RGS6: variants seen among roughly 807,000 people sequenced by gnomAD.
RGS6 encodes the protein regulator of G protein signaling 6, also known as regulator of G-protein signaling 6.
RGS6 carries 30 observed loss-of-function variants against 78.5 expected under a neutral mutation model. That is an observed-to-expected ratio of 0.38 (90% CI 0.29 to 0.52). RGS6 has a LOEUF of 0.52. Ranked by LOEUF, RGS6 falls within the 20% of genes least tolerant of loss-of-function variation. The pLI, the probability that RGS6 is intolerant of heterozygous loss-of-function variation, is 0.85. For missense variants in RGS6, 495 were observed against 609.7 expected, an observed-to-expected ratio of 0.81 and a Z score of 1.98; for synonymous variants, 206 against 206.0, an observed-to-expected ratio of 1.00 and a Z score of 0.00.
At chr14:72,385,619 G>T (rs1415809002) in intron 3 of RGS6, among the ~76,000 whole-genome samples, 1 of 152,142 alleles carries the variant, frequency 6.6e-6, no homozygotes, top group Non-Finnish European at 1.5e-5. Flanking sequence ...GTGAGGGTGA[G>T]ACTAAGGAAG....
In RGS6 at chr14:72,345,918, G is replaced by T. The variant is rs529963020; in HGVS notation, c.85-6177G>T. On this transcript the variant is annotated intron_variant, in intron 2 of 17. Transcript: ENST00000553525. ...GGGCAGAGCCTGCTCAATGAAGCAT[G>T]CACATTTTGGATTAAGAAATATGAT... Among the ~76,000 whole-genome samples the T allele has an allele frequency of 9.5e-4, 144 of 152,316 alleles. 1 individual carries two copies. The highest frequency in any genetic ancestry group is 3.2e-3 in the African/African-American group (135 of 41,574).
At chr14:72,050,901 A>G (rs2093194821) in intron 2 of RGS6, among the ~76,000 whole-genome samples, 1 of 152,156 alleles carries the variant, frequency 6.6e-6, no homozygotes, top group Admixed American at 6.5e-5. Flanking sequence ...CCAATCCCCC[A>G]AGTGAGTATA....
At chr14:72,160,415 G>A (rs764696525) in intron 2 of RGS6, among the ~76,000 whole-genome samples, 1 of 152,186 alleles carries the variant, frequency 6.6e-6, no homozygotes, top group African/African-American at 2.4e-5. Flanking sequence ...GTTTAATTGC[G>A]TGTGGCAAGA....
At chr14:72,406,674 T>C (rs911740379) in intron 3 of RGS6, among the ~76,000 whole-genome samples, 1 of 152,238 alleles carries the variant, frequency 6.6e-6, no homozygotes, top group Admixed American at 6.5e-5. Context: ...GTGTTTTCTT[T>C]GTGTTTGGCA....
intron 2 of RGS6, among the ~76,000 whole-genome samples, chr14:72,103,786 C>T (rs1030164919): frequency 2.0e-5 from 3 of 152,162 alleles, no homozygotes; most frequent in Non-Finnish European, 4.4e-5. Flanking sequence ...AATGACACAT[C>T]GTCACTTCCA....
intron 12 of RGS6, among the ~76,000 whole-genome samples, chr14:72,483,233 C>G (rs1027132510): frequency 3.3e-5 from 5 of 152,182 alleles, no homozygotes; most frequent in African/African-American, 1.2e-4. Flanking sequence ...TTCTCCCGAC[C>G]CATAGCGAGC....
intron 3 of RGS6, among the ~76,000 whole-genome samples, chr14:72,453,615 CAAAAAAAAAAAAAA>C (rs60280790): frequency 1.9e-5 from 1 of 52,064 alleles, no homozygotes; most frequent in Non-Finnish European, 3.9e-5. Flanking sequence ...GACTCCGTCT[CAAAAAAAAAAAAAA>C]AAAAAAAAAA....
intron 6 of RGS6, among the ~76,000 whole-genome samples, chr14:72,463,521 A>G (rs561015790): frequency 6.6e-6 from 1 of 152,354 alleles, no homozygotes; most frequent in Non-Finnish European, 1.5e-5. Flanking sequence ...TCTGCATTCC[A>G]TGCATGATAA....
intron 2 of RGS6, among the ~76,000 whole-genome samples, chr14:72,276,737 T>C (rs1268559955): frequency 6.6e-6 from 1 of 152,230 alleles, no homozygotes; most frequent in East Asian, 1.9e-4. Context: ...TTCCTTGCTC[T>C]TCCACCATGA....
intron 14 of RGS6, 47 bp from the exon 15 acceptor site, chr14:72,518,304 C>A: frequency 6.4e-7 from 1 of 1,573,682 alleles, no homozygotes; most frequent in African/African-American, 1.4e-5. Flanking sequence ...GGCAACATCC[C>A]GATGCTGAGC....
At chr14:72,193,101 C>T (rs1341459045) in intron 2 of RGS6, among the ~76,000 whole-genome samples, 2 of 151,436 alleles carry the variant, frequency 1.3e-5, no homozygotes, top group African/African-American at 4.9e-5. Flanking sequence ...TCAAGTGATT[C>T]TCCTGCCTCA....
intron 3 of RGS6, among the ~76,000 whole-genome samples, chr14:72,424,324 TAAAAAG>T (rs920812030): frequency 6.6e-6 from 1 of 152,168 alleles, no homozygotes; most frequent in South Asian, 2.1e-4. Flanking sequence ...ATGTTTCACT[TAAAAAG>T]AAAAATGCAG....
At chr14:72,314,547 G>T (rs753674721) in intron 2 of RGS6, among the ~76,000 whole-genome samples, 1 of 149,160 alleles carries the variant, frequency 6.7e-6, no homozygotes, top group Non-Finnish European at 1.5e-5. Flanking sequence ...TCCTGGTTGG[G>T]GGAGACAGCT....
At chr14:72,262,804 C>T (rs1440176641) in intron 2 of RGS6, among the ~76,000 whole-genome samples, 1 of 152,094 alleles carries the variant, frequency 6.6e-6, no homozygotes, top group Admixed American at 6.6e-5. Flanking sequence ...AGCAGATGGC[C>T]AAGGGTCAGA....
intron 3 of RGS6, among the ~76,000 whole-genome samples, chr14:72,383,415 CATT>C (rs955871918): frequency 1.3e-5 from 2 of 151,810 alleles, no homozygotes; most frequent in Non-Finnish European, 2.9e-5. Flanking sequence ...GACGATTGAA[CATT>C]ATTCCATCTT....
chr14:72,452,833 A>T (rs2095530039), intron 3 of RGS6, among the ~76,000 whole-genome samples: 1 of 152,258 alleles, frequency 6.6e-6, no homozygotes, highest in Non-Finnish European at 1.5e-5. Flanking sequence ...AGAACCTTCC[A>T]GAAAACTGAA....
intron 1 of RGS6, among the ~76,000 whole-genome samples, chr14:71,963,130 C>T (rs559931622): frequency 6.6e-6 from 1 of 152,214 alleles, no homozygotes; most frequent in Non-Finnish European, 1.5e-5. Flanking sequence ...GAGGAAGGTG[C>T]CTTGGCATGA....
At chr14:72,353,170 T>C (rs1219238443) in intron 3 of RGS6, among the ~76,000 whole-genome samples, 1 of 152,224 alleles carries the variant, frequency 6.6e-6, no homozygotes, top group Non-Finnish European at 1.5e-5. Context: ...GCTTACCATA[T>C]GAACCAGCAA....
rs112846034 is a variant in RGS6, at chr14:72,081,470, C to T, written c.84+116595C>T. On this transcript the variant is annotated intron_variant, in intron 2 of 17. Coordinates refer to ENST00000553525, the MANE Select transcript of RGS6 (RefSeq NM_001204424.2). ...TTTGTTTCTAAATTATCTTTTCCTC[C>T]TCAAATATGTATTTCTGCTGTTCTG... Among the ~76,000 whole-genome samples, 370 of 152,110 alleles carry T rather than the reference C, an allele frequency of 2.4e-3. 1 individual carries two copies. The highest frequency in any genetic ancestry group is 7.4e-3 in the African/African-American group (308 of 41,530).
Sources: allele counts gnomAD v4.1 joint callset (sites outside exome capture counted in the v4.1 genomes callset), GRCh38; gene constraint gnomAD v4.1.1; transcripts MANE v1.5; gene names NCBI Gene and HGNC (gene_info 2026-07-23, HGNC 2026-07-21).